GALNT9: variants seen among roughly 807,000 people sequenced by gnomAD.
The protein encoded by GALNT9 is polypeptide N-acetylgalactosaminyltransferase 9.
GALNT9 carries 47 observed loss-of-function variants against 63.1 expected under a neutral mutation model. That is an observed-to-expected ratio of 0.75 (90% confidence interval 0.59 to 0.95). GALNT9 has a LOEUF of 0.95. Among genes scored for constraint, GALNT9 ranks in the 40% least tolerant of loss-of-function variants. The pLI, the probability that GALNT9 is intolerant of heterozygous loss-of-function variation, is 0.00. For synonymous variants in GALNT9, 396 were observed against 365.7 expected, an observed-to-expected ratio of 1.08 and a Z score of -0.94; for missense variants, 829 against 874.8, an observed-to-expected ratio of 0.95 and a Z score of 0.66.
intron 5 of GALNT9, among the ~76,000 whole-genome samples, chr12:132,251,994 C>T (rs28484720): frequency 0.17 from 25,399 of 152,212 alleles, 2,299 homozygotes; most frequent in Middle Eastern, 0.29. Context: ...CGTTCTCCCA[C>T]CTTGCTCACG....
chr12:132,240,628 C>G (rs563974082), intron 6 of GALNT9: 3 of 453,022 alleles, frequency 6.6e-6, no homozygotes, highest in Admixed American at 2.4e-5. Flanking sequence ...CGGCTGTGCT[C>G]TATGGGCCTC....
chr12:132,229,563 G>A (rs1000818568), intron 6 of GALNT9, among the ~76,000 whole-genome samples: 4 of 152,382 alleles, frequency 2.6e-5, no homozygotes, highest in Non-Finnish European at 4.4e-5. Context: ...CAGCCCCGCA[G>A]TAAGTCCTGC....
At chr12:132,297,533 C>T (rs541379521) in intron 1 of GALNT9, among the ~76,000 whole-genome samples, 1 of 151,728 alleles carries the variant, frequency 6.6e-6, no homozygotes, top group African/African-American at 2.4e-5. Flanking sequence ...CCACAATAAC[C>T]AATCACTCCC....
rs1034343677 is a variant in GALNT9, at chr12:132,197,661, C to T, written c.1665+131G>A. Reference sequence around the variant, plus strand: ...ATAAGGGAACAGCTGATCCAAGGCCCGGTCCCCTGACCACCCCCTGCCGCA... The same window carrying T: ...ATAAGGGAACAGCTGATCCAAGGCCTGGTCCCCTGACCACCCCCTGCCGCA... On this transcript the variant is annotated intron_variant, in intron 10 of 10. Coordinates refer to ENST00000328957, the MANE Select transcript of GALNT9 (RefSeq NM_001122636.2). The T allele has an allele frequency of 3.9e-5, 27 of 699,436 alleles. No homozygotes were observed. In the South Asian group the frequency reaches 4.4e-4, roughly 11 times the overall value. 43.3% of individuals were successfully genotyped at this position (699,436 alleles called of 1,614,324 possible).
In GALNT9 at chr12:132,310,263, C is replaced by G. The variant is rs1236777925; in HGVS notation, c.238+18703G>C. Reference sequence around the variant, plus strand: ...CCTCCAGGTCTCACCGGCCACACCGCGGTTCGGCATTTCAGTTGGGGTCGG... The same window carrying G: ...CCTCCAGGTCTCACCGGCCACACCGGGGTTCGGCATTTCAGTTGGGGTCGG... On this transcript the variant is annotated intron_variant, in intron 1 of 10. Transcript: ENST00000328957. This position sits in a 1 kb window ranked among gnomAD's most constrained non-coding sequence, Gnocchi z 4.8. Among the ~76,000 whole-genome samples the G allele has an allele frequency of 2.0e-5, 3 of 152,094 alleles. No homozygotes were observed. The highest frequency in any genetic ancestry group is 4.4e-5 in the Non-Finnish European group (3 of 68,022).
chr12:132,240,299 G>C (rs1202983179), intron 6 of GALNT9, among the ~76,000 whole-genome samples: 1 of 152,134 alleles, frequency 6.6e-6, no homozygotes, highest in Non-Finnish European at 1.5e-5. Flanking sequence ...GCCCCTCCCT[G>C]TAGCCCCGGC....
chr12:132,278,605 T>A (rs1381092107), intron 2 of GALNT9: 1 of 152,194 alleles, frequency 6.6e-6, no homozygotes, highest in Non-Finnish European at 1.5e-5. Context: ...GCCCGCCGTC[T>A]GGTTGTGTCT....
chr12:132,292,590 A>G (rs1054835194), intron 1 of GALNT9, among the ~76,000 whole-genome samples: 1 of 152,192 alleles, frequency 6.6e-6, no homozygotes, highest in Non-Finnish European at 1.5e-5. Flanking sequence ...CATTCACCCT[A>G]CAACACTGCG....
intron 1 of GALNT9, among the ~76,000 whole-genome samples, chr12:132,328,384 C>T (rs1869135134): frequency 6.6e-6 from 1 of 152,190 alleles, no homozygotes; most frequent in African/African-American, 2.4e-5. Flanking sequence ...AGTCTCAGGT[C>T]TCAGCTTCAA....
intron 4 of GALNT9, among the ~76,000 whole-genome samples, chr12:132,259,443 C>A (rs542656121): frequency 6.6e-6 from 1 of 152,278 alleles, no homozygotes; most frequent in East Asian, 1.9e-4. Flanking sequence ...ACGTCAGAAG[C>A]TGATAAACAT....
At position 132,257,781 on chromosome 12, in the gene GALNT9, G is replaced by A. The variant is rs554022886; in HGVS notation, c.867C>T (p.Asn289=). The A allele has an allele frequency of 9.0e-6, 14 of 1,550,464 alleles. No individual in the cohort carries two copies. Among genetic ancestry groups the A allele is most frequent in the African/African-American group, 5.5e-5 (4 of 73,168 alleles). ...GGCCCCAGTTGTAGCCATGGGCGGCGTTCGCATACTGCTGCACCTCAAACG... is the reference window on the plus strand; with the variant it reads ...GGCCCCAGTTGTAGCCATGGGCGGCATTCGCATACTGCTGCACCTCAAACG... ...YSTFEVQQYA[N]AAHGYNWGLW... is the part of the protein sequence containing the mutation. The change falls in exon 5 of 11, where the codon AAC becomes AAT. Residue 289 remains asparagine, a synonymous_variant. Transcript: ENST00000328957.
intron 7 of GALNT9, among the ~76,000 whole-genome samples, chr12:132,203,234 G>A (rs1245595737): frequency 6.6e-6 from 1 of 152,272 alleles, no homozygotes; most frequent in East Asian, 1.9e-4. Flanking sequence ...TCTAACCACG[G>A]GGCAATTGCT....
rs1329507400 is a variant in GALNT9, at chr12:132,197,803, C to T, written c.1654G>A (p.Asp552Asn). 4 of 1,540,410 alleles carry T rather than the reference C, an allele frequency of 2.6e-6. No homozygotes were observed. The South Asian group carries it at 3.5e-5, about 13-fold the overall frequency. The change falls in exon 10 of 11, where the codon GAC becomes AAC. Residue 552 changes from aspartate (D) to asparagine (N), a missense_variant. Asp to Asn is a conservative substitution (Grantham distance 23, BLOSUM62 1). Coordinates refer to ENST00000328957, the MANE Select transcript of GALNT9 (RefSeq NM_001122636.2). ...CCCCAGAGGCTGACCTGGGTGAAGTCCCACAGCCGCTGTGTTGGCCGCGCC... is the reference window on the plus strand; with the variant it reads ...CCCCAGAGGCTGACCTGGGTGAAGTTCCACAGCCGCTGTGTTGGCCGCGCC... ...DVARPTQRLW[D>N]FTQSGPIVSR...
intron 1 of GALNT9, among the ~76,000 whole-genome samples, chr12:132,317,706 C>T (rs1414369423): frequency 1.3e-5 from 2 of 152,218 alleles, no homozygotes; most frequent in South Asian, 4.1e-4. Context: ...AGAGGCTGCG[C>T]CCAGCCCTCC....
At chr12:132,297,246 G>A (rs75809625) in intron 1 of GALNT9, among the ~76,000 whole-genome samples, 3,231 of 137,886 alleles carry the variant, frequency 0.023, 40 homozygotes, top group Middle Eastern at 0.13. Context: ...CAACTCACTC[G>A]AGATAACTAA....
At chr12:132,267,888 C>A (rs1879694312) in intron 2 of GALNT9, among the ~76,000 whole-genome samples, 1 of 146,092 alleles carries the variant, frequency 6.8e-6, no homozygotes, top group African/African-American at 2.7e-5. Context: ...CATGCACTCA[C>A]ACGCACACAC....
intron 6 of GALNT9, among the ~76,000 whole-genome samples, chr12:132,222,721 A>G (rs1025562924): frequency 4.0e-5 from 6 of 151,786 alleles, no homozygotes; most frequent in Non-Finnish European, 7.4e-5. Flanking sequence ...ATCACATTCC[A>G]TCGGCTCCTG....
At chr12:132,303,066 A>G (rs1593115109) in intron 1 of GALNT9, among the ~76,000 whole-genome samples, 1 of 133,522 alleles carries the variant, frequency 7.5e-6, no homozygotes, top group Non-Finnish European at 1.7e-5. Context: ...GCGGTTTCCC[A>G]CCCTCTGTCT....
intron 6 of GALNT9, among the ~76,000 whole-genome samples, chr12:132,210,327 T>C (rs1469527665): frequency 6.6e-6 from 1 of 152,352 alleles, no homozygotes; most frequent in South Asian, 2.1e-4. Context: ...GGCGAGGCCG[T>C]CCCGTGAAGT....
Sources: allele counts gnomAD v4.1 joint callset (sites outside exome capture counted in the v4.1 genomes callset), GRCh38; gene constraint gnomAD v4.1.1; non-coding constraint Gnocchi (gnomAD v3.1); transcripts MANE v1.5; gene names NCBI Gene and HGNC (gene_info 2026-07-23, HGNC 2026-07-21).